NAT10: variants seen among roughly 807,000 people sequenced by gnomAD.
NAT10 encodes RNA cytidine acetyltransferase.
A neutral mutation model predicts 132.2 loss-of-function variants in NAT10; 109 were observed. The ratio of observed to expected loss-of-function variants is 0.82; its 90% CI spans 0.71 to 0.97. The LOEUF (loss-of-function observed/expected upper bound fraction) is 0.97, where lower values mean the gene tolerates loss of function less well. Among genes scored for constraint, NAT10 ranks in the 50% least tolerant of loss-of-function variants. The pLI, the probability that NAT10 is intolerant of heterozygous loss-of-function variation, is 0.00. For missense variants in NAT10, 1,184 were observed against 1,263.4 expected (o/e 0.94, Z 0.95); for synonymous variants, 479 against 478.0 (o/e 1.00, Z -0.03).
intron 8 of NAT10, among the ~76,000 whole-genome samples, chr11:34,118,797 T>G (rs549418038): frequency 6.6e-6 from 1 of 152,204 alleles, no homozygotes; most frequent in East Asian, 1.9e-4. Flanking sequence ...CAAGCTGGAG[T>G]GCAGTGGCAT....
chr11:34,134,964 G>T (rs1184849598), intron 18 of NAT10, among the ~76,000 whole-genome samples: 2 of 152,210 alleles, frequency 1.3e-5, no homozygotes, highest in African/African-American at 4.8e-5. Flanking sequence ...TGTTCTTGAT[G>T]AGCTAGACCA....
chr11:34,137,268 G>A (rs1186813759), intron 21 of NAT10, among the ~76,000 whole-genome samples: 2 of 152,212 alleles, frequency 1.3e-5, no homozygotes, highest in African/African-American at 4.8e-5. Context: ...AATGGCAGAG[G>A]TACACGTGGA....
chr11:34,112,907 A>G, intron 4 of NAT10, among the ~76,000 whole-genome samples: 1 of 152,260 alleles, frequency 6.6e-6, no homozygotes. Context: ...AAAATTAAGC[A>G]CAAATCCTCA....
Position 34,140,395 on chromosome 11 carries a change from G to T in NAT10, c.2420-5G>T. ...AACCTGTCTAGCTCTCTATCCCATG[G>T]ACAGCCCTGAGCCGGGAGGAGCTGG... On this transcript the variant is annotated splice_polypyrimidine_tract_variant and splice_region_variant and intron_variant, in intron 23 of 28. Transcript: ENST00000257829. 6 of 1,611,862 alleles carry T rather than the reference G, an allele frequency of 3.7e-6. No homozygotes were observed. The highest frequency in any genetic ancestry group is 1.7e-4 in the Middle Eastern group (1 of 6,056).
At position 34,136,982 on chromosome 11, in the gene NAT10, T is replaced by C; in HGVS notation, c.2167T>C (p.Trp723Arg). ...YGLTPRLLKF[W>R]KRAGFVPVYL... Reference sequence around the variant, plus strand: ...ACTGTCTTTGTATCTTTGCAGGTTCTGGAAACGAGCTGGATTTGTTCCTGT... The same window carrying C: ...ACTGTCTTTGTATCTTTGCAGGTTCCGGAAACGAGCTGGATTTGTTCCTGT... The change falls in exon 21 of 29, where the codon TGG (tryptophan) becomes CGG (arginine). Residue 723 changes from tryptophan (W) to arginine (R), a missense_variant. By Grantham distance (101) the Trp-to-Arg change is moderately radical. Coordinates refer to ENST00000257829, the MANE Select transcript of NAT10 (RefSeq NM_024662.3). 1 of 1,614,212 alleles carries C rather than the reference T, an allele frequency of 6.2e-7. No homozygotes were observed. The highest frequency in any genetic ancestry group is 8.5e-7 in the Non-Finnish European group (1 of 1,180,044).
At chr11:34,109,885 C>G in intron 3 of NAT10, among the ~76,000 whole-genome samples, 2 of 152,300 alleles carry the variant, frequency 1.3e-5, no homozygotes, top group South Asian at 4.1e-4. Flanking sequence ...ACAACACTTG[C>G]GTTTTCCTTG....
chr11:34,145,488 A>G (rs1852424021), intron 28 of NAT10, among the ~76,000 whole-genome samples: 1 of 152,228 alleles, frequency 6.6e-6, no homozygotes, highest in Admixed American at 6.5e-5. Context: ...TCTTAATGGC[A>G]GGTGGCCGTT....
intron 13 of NAT10, 132 bp downstream of exon 13, chr11:34,131,069 A>G: frequency 1.5e-6 from 2 of 1,378,274 alleles, no homozygotes; most frequent in Non-Finnish European, 2.0e-6. Flanking sequence ...TGAGTCCCCA[A>G]GAGGAGAAGT....
chr11:34,133,813 C>G (rs573476870), intron 16 of NAT10, among the ~76,000 whole-genome samples: 2 of 152,174 alleles, frequency 1.3e-5, no homozygotes, highest in East Asian at 3.9e-4. Context: ...GGCTGTCAGT[C>G]TTCTGCCCTG....
chr11:34,139,126 C>T (rs528418779), intron 21 of NAT10, 65 bp from the exon 22 acceptor site: 2 of 1,408,984 alleles, frequency 1.4e-6, no homozygotes, highest in African/African-American at 1.4e-5. Context: ...GTTTACCCTT[C>T]ATCAATGATG....
At chr11:34,116,056 C>T (rs571414412) in intron 6 of NAT10, among the ~76,000 whole-genome samples, 172 bp downstream of exon 6, 4 of 152,258 alleles carry the variant, frequency 2.6e-5, no homozygotes, top group Middle Eastern at 3.4e-3. Flanking sequence ...AGCAGTGAAA[C>T]GTGGTGGAAA....
chr11:34,137,466 A>T (rs895621053), intron 21 of NAT10, among the ~76,000 whole-genome samples: 1 of 152,140 alleles, frequency 6.6e-6, no homozygotes, highest in African/African-American at 2.4e-5. Flanking sequence ...TGGACATCCA[A>T]GTGGAAATGT....
chr11:34,131,661 CTTTTTCTCTTCCT>C, intron 14 of NAT10, 130 bp downstream of exon 14: 1 of 910,944 alleles, frequency 1.1e-6, no homozygotes, highest in East Asian at 3.1e-5. Context: ...TTTCAATTTC[CTTTTTCTCTTCCT>C]TTTTTTTTTT....
chr11:34,123,983 A>G (rs1171445618), intron 10 of NAT10, 128 bp downstream of exon 10: 4 of 661,674 alleles, frequency 6.0e-6, no homozygotes, highest in Admixed American at 2.6e-5. Flanking sequence ...CAGCCTGACC[A>G]ACATAGAGAA....
intron 6 of NAT10, among the ~76,000 whole-genome samples, chr11:34,117,134 C>T (rs538185119): frequency 6.6e-6 from 1 of 152,328 alleles, no homozygotes; most frequent in South Asian, 2.1e-4. Flanking sequence ...TTGCCCCAGC[C>T]TGTTGTAATC....
intron 21 of NAT10, 75 bp downstream of exon 21, chr11:34,137,101 G>A (rs375301299): frequency 6.7e-7 from 1 of 1,495,326 alleles, no homozygotes; most frequent in African/African-American, 1.4e-5. Context: ...CTTGCAAAGA[G>A]CCCTAGTGCC....
intron 26 of NAT10, 151 bp downstream of exon 26, chr11:34,141,968 A>G: frequency 1.5e-6 from 1 of 683,260 alleles, no homozygotes; most frequent in African/African-American, 1.8e-5. Context: ...GGACAAACGG[A>G]CCCAGCATTG....
chr11:34,141,882 C>A, intron 26 of NAT10, 65 bp downstream of exon 26: 1 of 1,338,224 alleles, frequency 7.5e-7, no homozygotes, highest in South Asian at 1.2e-5. Flanking sequence ...GCTGTGAATT[C>A]AGACTGTCTT....
At chr11:34,134,276 C>G (rs1339604313) in intron 16 of NAT10, 43 bp from the exon 17 acceptor site, 1 of 1,521,064 alleles carries the variant, frequency 6.6e-7, no homozygotes, top group South Asian at 1.1e-5. Context: ...GGCTCTGTAT[C>G]AGAGTTGGCC....
Sources: allele counts gnomAD v4.1 joint callset (sites outside exome capture counted in the v4.1 genomes callset), GRCh38; gene constraint gnomAD v4.1.1; transcripts MANE v1.5; gene names NCBI Gene and HGNC (gene_info 2026-07-23, HGNC 2026-07-21).